KBTBD11: variants seen among roughly 807,000 people sequenced by gnomAD.
KBTBD11 encodes the protein kelch repeat and BTB domain-containing protein 11.
For missense variants in KBTBD11, 1,390 were observed against 1,001.8 expected, an observed-to-expected ratio of 1.39 and a Z score of -5.23; for synonymous variants, 747 against 499.0, an observed-to-expected ratio of 1.50 and a Z score of -6.63.
chr8:1,997,402 G>GAAA (rs57378017), intron 1 of KBTBD11, among the ~76,000 whole-genome samples: 9 of 139,990 alleles, frequency 6.4e-5, no homozygotes, highest in African/African-American at 2.1e-4. Flanking sequence ...GGTCATTCTG[G>GAAA]AAAAAAAAAA....
At chr8:1,980,413 GA>G (rs1181666122) in intron 1 of KBTBD11, among the ~76,000 whole-genome samples, 3 of 152,096 alleles carry the variant, frequency 2.0e-5, no homozygotes, top group African/African-American at 7.2e-5. Context: ...TTTTAGTACA[GA>G]TGGGGTTTCA....
At chr8:1,995,584 G>A (rs1031014658) in intron 1 of KBTBD11, among the ~76,000 whole-genome samples, 2 of 152,088 alleles carry the variant, frequency 1.3e-5, no homozygotes, top group Non-Finnish European at 1.5e-5. Context: ...TGTCAGTGAT[G>A]GCACCGACTC....
intron 1 of KBTBD11, among the ~76,000 whole-genome samples, chr8:1,993,811 G>A (rs185592730): frequency 9.9e-5 from 15 of 151,952 alleles, no homozygotes; most frequent in Admixed American, 2.0e-4. Context: ...ATGGCAGCTT[G>A]AGCCTAAAGA....
Position 2,003,005 on chromosome 8 carries a change from A to C in KBTBD11, c.1813A>C (p.Ile605Leu). The change falls in exon 2 of 2, where the codon ATC becomes CTC. Residue 605 changes from isoleucine (I) to leucine (L), a missense_variant. Physicochemically the swap from Ile to Leu is conservative, Grantham distance 5 (BLOSUM62 2). Coordinates refer to ENST00000320248, the MANE Select transcript of KBTBD11 (RefSeq NM_014867.3). ...GAPLDVRGVL[I>L]PFALSLPEKP... ...CCCCTTGGACGTCCGGGGTGTGCTC[A>C]TCCCGTTCGCTCTCAGCCTGCCTGA... is the stretch of plus-strand genomic sequence containing the variant. 7.7e-7 allele frequency: 1 copy of C among 1,296,814 alleles called. No homozygotes were observed. Among genetic ancestry groups the C allele is most frequent in the Non-Finnish European group, 9.8e-7 (1 of 1,022,770 alleles). 80.3% of individuals were successfully genotyped at this position (1,296,814 alleles called of 1,614,324 possible). A position where few individuals can be genotyped will look rare whatever the true frequency, so the allele number is the denominator to read the frequency against.
rs1203968748 is a variant in KBTBD11 at position 2,002,971 on chromosome 8, G to A, written c.1779G>A (p.Ala593=). The change falls in exon 2 of 2, where the codon GCG becomes GCA. Residue 593 remains alanine (A), a synonymous_variant. Coordinates refer to ENST00000320248, the MANE Select transcript of KBTBD11 (RefSeq NM_014867.3). The surrounding 1 kb of genome is among the most constrained non-coding windows in gnomAD (Gnocchi z 4.1). ...GDAGQGGGFE[A]LGAPLDVRGV... ...CAGGCCAGGGCGGCGGCTTCGAGGCGCTGGGCGCCCCCTTGGACGTCCGGG... is the reference window on the plus strand; with the variant it reads ...CAGGCCAGGGCGGCGGCTTCGAGGCACTGGGCGCCCCCTTGGACGTCCGGG... 2 of 1,313,966 alleles carry A rather than the reference G, an allele frequency of 1.5e-6. No individual in the cohort carries two copies. Among genetic ancestry groups the A allele is most frequent in the Non-Finnish European group, 1.9e-6 (2 of 1,032,614 alleles). The allele number at this position is 1,313,966 out of a possible 1,614,324, so 81.4% of individuals were successfully genotyped here.
Position 2,002,953 on chromosome 8 carries a change from G to A in KBTBD11, c.1761G>A (p.Gln587=), listed in dbSNP as rs1299374206. 9.9e-6 allele frequency: 13 copies of A among 1,317,500 alleles called. No homozygotes were observed. The Admixed American group carries it at 2.0e-4, about 20-fold the overall frequency. 81.6% of individuals were successfully genotyped at this position (1,317,500 alleles called of 1,614,324 possible). A position where few individuals can be genotyped will look rare whatever the true frequency, so the allele number is the denominator to read the frequency against. ...GCGAGGCCGGCGGCGACGCAGGCCA[G>A]GGCGGCGGCTTCGAGGCGCTGGGCG... ...REGEAGGDAG[Q]GGGFEALGAP... is the part of the protein sequence containing the mutation. The change falls in exon 2 of 2, where the codon CAG becomes CAA. Residue 587 remains glutamine (Q), a synonymous_variant. Coordinates refer to ENST00000320248, the MANE Select transcript of KBTBD11 (RefSeq NM_014867.3). This position sits in a 1 kb window ranked among gnomAD's most constrained non-coding sequence, Gnocchi z 4.1.
At chr8:1,989,932 T>TTC in intron 1 of KBTBD11, among the ~76,000 whole-genome samples, 1 of 146,724 alleles carries the variant, frequency 6.8e-6, no homozygotes, top group African/African-American at 2.5e-5. Flanking sequence ...GGTTTTTTTT[T>TTC]TTTTTTTTTT....
chr8:1,979,244 G>A (rs12679898), intron 1 of KBTBD11, among the ~76,000 whole-genome samples: 113,724 of 152,162 alleles, frequency 0.75, 42,680 homozygotes, highest in South Asian at 0.85. Context: ...CCTTTTTAAG[G>A]CTTTGACTGA....
intron 1 of KBTBD11, among the ~76,000 whole-genome samples, chr8:1,998,493 C>G (rs182396724): frequency 6.6e-6 from 1 of 152,292 alleles, no homozygotes; most frequent in East Asian, 1.9e-4. Context: ...CATGACTTCC[C>G]TTCAGTCTGT....
At chr8:1,991,438 C>T (rs13277194) in intron 1 of KBTBD11, among the ~76,000 whole-genome samples, 24,400 of 152,260 alleles carry the variant, frequency 0.16, 2,371 homozygotes, top group Non-Finnish European at 0.21. Context: ...ACCACATGCT[C>T]CAGGGGTCTC....
chr8:1,981,914 C>G (rs1816552793), intron 1 of KBTBD11, among the ~76,000 whole-genome samples: 3 of 152,150 alleles, frequency 2.0e-5, no homozygotes, highest in Admixed American at 2.0e-4. Context: ...GGTTCTCCAG[C>G]TTGCAGATAG....
chr8:1,980,228 C>CTTTTTTTT (rs71211538), intron 1 of KBTBD11, among the ~76,000 whole-genome samples: 4 of 124,618 alleles, frequency 3.2e-5, no homozygotes, highest in Non-Finnish European at 3.2e-5. Flanking sequence ...GATAATCAAA[C>CTTTTTTTT]TTTTTTTTTT....
chr8:1,980,383 C>T (rs112180998), intron 1 of KBTBD11, among the ~76,000 whole-genome samples: 7,735 of 152,184 alleles, frequency 0.051, 263 homozygotes, highest in Middle Eastern at 0.11. Flanking sequence ...TGCATCACCA[C>T]GCCTGGCTAA....
At chr8:1,985,514 C>T (rs1200441214) in intron 1 of KBTBD11, among the ~76,000 whole-genome samples, 4 of 152,412 alleles carry the variant, frequency 2.6e-5, no homozygotes, top group Non-Finnish European at 2.9e-5. Context: ...GCCTGCTCAG[C>T]TTCCAGCCTG....
At chr8:1,997,033 A>G (rs1222919429) in intron 1 of KBTBD11, among the ~76,000 whole-genome samples, 3 of 152,042 alleles carry the variant, frequency 2.0e-5, no homozygotes, top group Non-Finnish European at 4.4e-5. Context: ...CTTCCATGGA[A>G]ACTGCAGTGC....
At chr8:1,977,860 T>G (rs1243778274) in intron 1 of KBTBD11, among the ~76,000 whole-genome samples, 6 of 152,192 alleles carry the variant, frequency 3.9e-5, no homozygotes, top group Non-Finnish European at 5.9e-5. Flanking sequence ...TTTAAAATTC[T>G]TACAATAGTG....
chr8:2,003,127 C>A lies in KBTBD11; in HGVS notation c.*63C>A, dbSNP rs1314357618. On this transcript the variant is annotated 3_prime_UTR_variant, in exon 2 of 2. Coordinates refer to ENST00000320248, the MANE Select transcript of KBTBD11 (RefSeq NM_014867.3). ...TTGCGGGGCCCAGGTCCCTTTGGGC[C>A]CGCGGAGGAGGACGTGGTGGGGAGT... 7 of 1,250,522 alleles carry A rather than the reference C, an allele frequency of 5.6e-6. No individual in the cohort carries two copies. The highest frequency in any genetic ancestry group is 7.1e-6 in the Non-Finnish European group (7 of 990,574). The allele number at this position is 1,250,522 out of a possible 1,614,324, so 77.5% of individuals were successfully genotyped here. A position where few individuals can be genotyped will look rare whatever the true frequency, so the allele number is the denominator to read the frequency against.
At position 2,000,979 on chromosome 8, in the gene KBTBD11, TGGAGA is replaced by T. The variant is rs1252769485; in HGVS notation, c.-206_-202del. The T allele has an allele frequency of 7.7e-6, 4 of 516,438 alleles. No individual in the cohort carries two copies. Among genetic ancestry groups the T allele is most frequent in the Non-Finnish European group, 1.2e-5 (4 of 335,166 alleles). 32.0% of individuals were successfully genotyped at this position (516,438 alleles called of 1,614,324 possible). ...GCAAGTCGGACACACCCCTCCTCGCTGGAGAGGAGAGGGCAAAGGCGAGGCGGGGG... is the reference window on the plus strand; with the variant it reads ...GCAAGTCGGACACACCCCTCCTCGCTGGAGAGGGCAAAGGCGAGGCGGGGG... On this transcript the variant is annotated 5_prime_UTR_variant, in exon 2 of 2. The change creates a premature stop within an existing upstream ORF in the 5' untranslated region. Transcript: ENST00000320248.
chr8:1,979,455 C>T (rs1327808314), intron 1 of KBTBD11, among the ~76,000 whole-genome samples: 10 of 152,162 alleles, frequency 6.6e-5, no homozygotes, highest in Admixed American at 3.3e-4. Context: ...CATGGTGAAA[C>T]CCCGTCTCTA....
Sources: allele counts gnomAD v4.1 joint callset (sites outside exome capture counted in the v4.1 genomes callset), GRCh38; gene constraint gnomAD v4.1.1; non-coding constraint Gnocchi (gnomAD v3.1); transcripts MANE v1.5; gene names NCBI Gene and HGNC (gene_info 2026-07-23, HGNC 2026-07-21).